The following TTC3 variants were observed in gnomAD, a reference collection of about 807,000 sequenced individuals.
TTC3 encodes E3 ubiquitin-protein ligase TTC3.
A neutral mutation model predicts 249.6 loss-of-function variants in TTC3; 180 were observed. The observed-to-expected ratio is 0.72, with a 90% CI of 0.64 to 0.82. The LOEUF is 0.82. Ranked by LOEUF, TTC3 falls within the 40% of genes least tolerant of loss-of-function variation. The pLI, the probability that TTC3 is intolerant of heterozygous loss-of-function variation, is 0.00. For missense variants in TTC3, 2,061 were observed against 2,398.4 expected (o/e 0.86, Z 2.94); for synonymous variants, 717 against 805.0 (o/e 0.89, Z 1.85).
intron 1 of TTC3, among the ~76,000 whole-genome samples, chr21:37,080,368 ATT>A (rs33918132): frequency 0.46 from 66,964 of 144,402 alleles, 15,444 homozygotes; most frequent in Middle Eastern, 0.52. Context: ...TCTTTTTAGC[ATT>A]TTTTTTTTTT....
At chr21:37,159,536 G>A (rs2080473783) in intron 28 of TTC3, 163 bp from the exon 29 acceptor site, 1 of 654,754 alleles carries the variant, frequency 1.5e-6, no homozygotes. Context: ...CGTTTAGTCA[G>A]CCATTTTGCC....
intron 20 of TTC3, 42 bp downstream of exon 20, chr21:37,140,715 T>C: frequency 7.5e-7 from 1 of 1,334,826 alleles, no homozygotes; most frequent in East Asian, 2.4e-5. Flanking sequence ...GGCTGGTAAC[T>C]CATTTAAAAT....
At chr21:37,144,243 A>T (rs2078775392) in intron 20 of TTC3, among the ~76,000 whole-genome samples, 1 of 145,274 alleles carries the variant, frequency 6.9e-6, no homozygotes, top group African/African-American at 2.5e-5. Flanking sequence ...AAAGTATAAT[A>T]AAAAAAATAT....
chr21:37,128,956 A>G (rs1188913788), intron 15 of TTC3, 47 bp from the exon 16 acceptor site: 11 of 1,407,608 alleles, frequency 7.8e-6, no homozygotes, highest in Non-Finnish European at 9.7e-6. Flanking sequence ...TCAGGCTTGT[A>G]GATTTTTATG....
In TTC3 at chr21:37,176,904, T is replaced by C. The variant is rs572210601; in HGVS notation, c.4617+4160T>C. ...GCCTAGTTCAACTAACTGTTAGGAATGTTTCTCACCACTTTACAGCAGTGT... is the reference window on the plus strand; with the variant it reads ...GCCTAGTTCAACTAACTGTTAGGAACGTTTCTCACCACTTTACAGCAGTGT... On this transcript the variant is annotated intron_variant, in intron 35 of 45. Transcript: ENST00000355666. 7.9e-5 allele frequency among the ~76,000 whole-genome samples: 12 copies of C among 152,290 alleles called. No homozygotes were observed. In the South Asian group the frequency reaches 2.5e-3, roughly 32 times the overall value.
chr21:37,093,403 G>C (rs1298433718), intron 7 of TTC3: 2 of 45,376 alleles, frequency 4.4e-5, no homozygotes, highest in Non-Finnish European at 1.1e-4. Flanking sequence ...AAAAAAAAAA[G>C]GAAATGCTCA....
chr21:37,175,462 T>G lies in TTC3; in HGVS notation c.4617+2718T>G, dbSNP rs151193007. ...AATTACAAAAATTAGCCTGATGTGG[T>G]GGTGGGCGCCTGTAATCCCAGCTAC... On this transcript the variant is annotated intron_variant, in intron 35 of 45. Transcript: ENST00000355666. Among the ~76,000 whole-genome samples, 1,341 of 150,744 alleles carry G rather than the reference T, an allele frequency of 8.9e-3. 9 individuals carry two copies. The highest frequency in any genetic ancestry group is 0.013 in the Admixed American group (199 of 15,134).
intron 32 of TTC3, 136 bp from the exon 33 acceptor site, chr21:37,165,414 A>G: frequency 3.1e-6 from 2 of 648,582 alleles, no homozygotes; most frequent in Admixed American, 5.7e-5. Flanking sequence ...TGTTTGTTAT[A>G]TTTGTTGTTG....
At chr21:37,101,307 G>C (rs1468785616) in intron 10 of TTC3, 1 of 151,800 alleles carries the variant, frequency 6.6e-6, no homozygotes, top group Non-Finnish European at 1.5e-5. Flanking sequence ...TGGAAGACTA[G>C]AGATATAAAG....
chr21:37,122,821 A>T (rs1381676291), intron 12 of TTC3, among the ~76,000 whole-genome samples, 162 bp from the exon 13 acceptor site: 1 of 152,208 alleles, frequency 6.6e-6, no homozygotes, highest in East Asian at 1.9e-4. Context: ...ACACCATCCT[A>T]AAACTAAAGA....
intron 16 of TTC3, among the ~76,000 whole-genome samples, chr21:37,130,451 A>T: frequency 6.6e-6 from 1 of 152,158 alleles, no homozygotes; most frequent in East Asian, 1.9e-4. Context: ...ACACTCCTTT[A>T]TTAGGTAATA....
intron 15 of TTC3, 73 bp downstream of exon 15, chr21:37,126,216 G>A: frequency 2.2e-6 from 3 of 1,385,224 alleles, no homozygotes; most frequent in Non-Finnish European, 3.0e-6. Flanking sequence ...CCTACAATGT[G>A]CACAAGCCTT....
At chr21:37,183,951 C>A (rs2082992559) in intron 36 of TTC3, among the ~76,000 whole-genome samples, 1 of 152,160 alleles carries the variant, frequency 6.6e-6, no homozygotes, top group South Asian at 2.1e-4. Flanking sequence ...TACACACTCA[C>A]CTTTCAAGGG....
intron 20 of TTC3, among the ~76,000 whole-genome samples, chr21:37,142,398 C>G (rs1454691020): frequency 6.6e-6 from 1 of 152,218 alleles, no homozygotes; most frequent in Non-Finnish European, 1.5e-5. Context: ...GCAACTTCAG[C>G]AAAGTCCCAG....
At chr21:37,086,014 T>C (rs2147653149) in intron 1 of TTC3, 1 of 152,340 alleles carries the variant, frequency 6.6e-6, no homozygotes, top group African/African-American at 2.4e-5. Flanking sequence ...TTGTGCCTGC[T>C]AAGAAGAATT....
exon 31 of TTC3, chr21:37,162,063 G>C (rs1195331285): frequency 2.0e-6 from 3 of 1,536,940 alleles, no homozygotes; most frequent in Middle Eastern, 2.2e-4. Context: ...GAAGACCATA[G>C]GTAAGTATAA....
chr21:37,147,600 T>C (rs772536021), exon 22 of TTC3: 3 of 1,599,662 alleles, frequency 1.9e-6, no homozygotes, highest in South Asian at 2.3e-5. Flanking sequence ...ATCCAGACTT[T>C]AAGGTAAATA....
At chr21:37,113,514 C>T (rs1342464969) in intron 11 of TTC3, among the ~76,000 whole-genome samples, 1 of 152,114 alleles carries the variant, frequency 6.6e-6, no homozygotes, top group East Asian at 1.9e-4. Context: ...AGCTACAAAC[C>T]ACTGCTCAAT....
At chr21:37,197,437 T>G in intron 42 of TTC3, 133 bp from the exon 43 acceptor site, 2 of 1,035,830 alleles carry the variant, frequency 1.9e-6, no homozygotes, top group Non-Finnish European at 2.9e-6. Context: ...TTGTTATCAG[T>G]GGTCTTCAGA....
Sources: gnomAD v4.1 joint callset for allele counts (sites outside exome capture counted in the v4.1 genomes callset) on GRCh38, gnomAD v4.1.1 for gene constraint, MANE v1.5 for transcripts, NCBI Gene and HGNC (gene_info 2026-07-23, HGNC 2026-07-21) for gene names.